GAD2: variants seen among roughly 807,000 people sequenced by gnomAD.
GAD2 encodes the protein glutamate decarboxylase 2, also known as 65 kDa glutamic acid decarboxylase.
GAD2 carries 22 observed loss-of-function variants against 80.1 expected under a neutral mutation model. The observed-to-expected ratio is 0.27, with a 90% CI of 0.20 to 0.39. The LOEUF is 0.39. Among genes scored for constraint, GAD2 ranks in the 10% least tolerant of loss-of-function variants. The pLI, the probability that GAD2 is intolerant of heterozygous loss-of-function variation, is 1.00. For missense variants in GAD2, 624 were observed against 738.4 expected, an observed-to-expected ratio of 0.85 and a Z score of 1.80; for synonymous variants, 274 against 256.9, an observed-to-expected ratio of 1.07 and a Z score of -0.64.
chr10:26,280,888 A>G (rs1042247589), intron 11 of GAD2, 121 bp from the exon 12 acceptor site: 1 of 617,414 alleles, frequency 1.6e-6, no homozygotes, highest in Non-Finnish European at 2.9e-6. Flanking sequence ...TAAAATAAAT[A>G]AATACATTTA....
At position 26,296,087 on chromosome 10, in the gene GAD2, C is replaced by T. The variant is rs144160411; in HGVS notation, c.1584+3096C>T. 5.2e-4 allele frequency among the ~76,000 whole-genome samples: 79 copies of T among 152,218 alleles called. No individual in the cohort carries two copies. The East Asian group carries it at 0.013, about 24-fold the overall frequency. ...CCAAGATCAAGGTGCCAGTAGATTC[C>T]GTGTCTGCTGGAACCCCTACTTCCT... On this transcript the variant is annotated intron_variant, in intron 15 of 15. Coordinates refer to ENST00000376261, the MANE Select transcript of GAD2 (RefSeq NM_001134366.2).
At chr10:26,261,102 C>G (rs1845004681) in intron 8 of GAD2, among the ~76,000 whole-genome samples, 1 of 152,120 alleles carries the variant, frequency 6.6e-6, no homozygotes, top group South Asian at 2.1e-4. Flanking sequence ...TCTCTTTTGT[C>G]ATGTATGTTG....
intron 5 of GAD2, 139 bp downstream of exon 5, chr10:26,224,116 C>G (rs1477273360): frequency 3.3e-6 from 2 of 602,300 alleles, no homozygotes; most frequent in Non-Finnish European, 5.8e-6. Flanking sequence ...TGTGAGTGTT[C>G]ACTTTAATGT....
chr10:26,295,119 T>A (rs1254900566), intron 15 of GAD2, among the ~76,000 whole-genome samples: 1 of 152,166 alleles, frequency 6.6e-6, no homozygotes, highest in African/African-American at 2.4e-5. Context: ...AAAGTCAACT[T>A]GGAGGCTCCC....
At chr10:26,253,369 A>G (rs74922578) in intron 8 of GAD2, among the ~76,000 whole-genome samples, 2,052 of 152,342 alleles carry the variant, frequency 0.013, 43 homozygotes, top group African/African-American at 0.046. Flanking sequence ...CATGTCATTC[A>G]TATTTGCAAA....
At chr10:26,225,065 A>ATATC (rs8190616) in intron 6 of GAD2, among the ~76,000 whole-genome samples, 5,992 of 152,288 alleles carry the variant, frequency 0.039, 374 homozygotes, top group African/African-American at 0.14. Flanking sequence ...ATAGCAAGGT[A>ATATC]TATCTACTCA....
At position 26,217,837 on chromosome 10, in the gene GAD2, C is replaced by A. The variant is rs780245209; in HGVS notation, c.137-5C>A. On this transcript the variant is annotated splice_region_variant and splice_polypyrimidine_tract_variant and intron_variant, in intron 2 of 15. Coordinates refer to ENST00000376261, the MANE Select transcript of GAD2 (RefSeq NM_001134366.2). The surrounding 1 kb of genome is among the most constrained non-coding windows in gnomAD (Gnocchi z 4.9). ...ACGAGGCCCGCGTTCGGTGTCCTTA[C>A]CCAGCCCTGCTCTACGGAGACGCCG... is the stretch of plus-strand genomic sequence containing the variant. The A allele has an allele frequency of 6.2e-7, 1 of 1,601,614 alleles. No homozygotes were observed. Among genetic ancestry groups the A allele is most frequent in the Non-Finnish European group, 8.5e-7 (1 of 1,174,066 alleles).
At chr10:26,234,118 G>A (rs1844640852) in intron 7 of GAD2, among the ~76,000 whole-genome samples, 1 of 152,132 alleles carries the variant, frequency 6.6e-6, no homozygotes, top group Admixed American at 6.5e-5. Context: ...GAGGTCAGGA[G>A]TTTGAGACCA....
chr10:26,217,687 G>A lies in GAD2; in HGVS notation c.136+18G>A, dbSNP rs774384050. ...ACTGTGCGGTGAGTGCCCAGGGACC[G>A]GGGCGGCCAAGGTCGGCCCGCGGGG... On this transcript the variant is annotated intron_variant, in intron 2 of 15. Coordinates refer to ENST00000376261, the MANE Select transcript of GAD2 (RefSeq NM_001134366.2). This position sits in a 1 kb window ranked among gnomAD's most constrained non-coding sequence, Gnocchi z 4.9. The A allele has an allele frequency of 3.1e-6, 5 of 1,612,156 alleles. No homozygotes were observed. The highest frequency in any genetic ancestry group is 2.7e-5 in the African/African-American group (2 of 74,930).
chr10:26,243,921 A>C (rs1844773897), intron 7 of GAD2, among the ~76,000 whole-genome samples: 1 of 152,222 alleles, frequency 6.6e-6, no homozygotes, highest in Non-Finnish European at 1.5e-5. Flanking sequence ...TGTATTGTTA[A>C]GCCTTGTATG....
At chr10:26,276,386 A>G (rs987059770) in intron 11 of GAD2, among the ~76,000 whole-genome samples, 1 of 151,668 alleles carries the variant, frequency 6.6e-6, no homozygotes, top group African/African-American at 2.4e-5. Context: ...TTTTATTTTT[A>G]TTTATTTATT....
At chr10:26,254,077 G>C (rs773639040) in intron 8 of GAD2, among the ~76,000 whole-genome samples, 1 of 151,990 alleles carries the variant, frequency 6.6e-6, no homozygotes, top group African/African-American at 2.4e-5. Flanking sequence ...TCACTCTGTC[G>C]CCAGGCTGGA....
Position 26,217,065 on chromosome 10 carries a change from G to A in GAD2, c.76+180G>A, listed in dbSNP as rs904179213. 6.6e-6 allele frequency among the ~76,000 whole-genome samples: 1 copy of A among 152,022 alleles called. No individual in the cohort carries two copies. Among genetic ancestry groups the A allele is most frequent in the Non-Finnish European group, 1.5e-5 (1 of 68,008 alleles). On this transcript the variant is annotated intron_variant, in intron 1 of 15. Transcript: ENST00000376261. This position sits in a 1 kb window ranked among gnomAD's most constrained non-coding sequence, Gnocchi z 4.9. ...GAGCTCAAGACCTCTACAGCCTCTT[G>A]TACCCTGGGAAGACGCCCAAATAGT...
At chr10:26,269,515 G>A (rs1277402992) in intron 9 of GAD2, among the ~76,000 whole-genome samples, 1 of 152,250 alleles carries the variant, frequency 6.6e-6, no homozygotes, top group African/African-American at 2.4e-5. Flanking sequence ...CAGTATGTGA[G>A]AGACCCTGGT....
intron 6 of GAD2, among the ~76,000 whole-genome samples, chr10:26,226,902 G>C (rs1033611824): frequency 6.6e-6 from 1 of 152,186 alleles, no homozygotes; most frequent in Non-Finnish European, 1.5e-5. Flanking sequence ...GACTAAAGAG[G>C]GGCTAGGAAA....
Position 26,302,318 on chromosome 10 carries a change from A to G in GAD2, c.*1357A>G, listed in dbSNP as rs1435147909. On this transcript the variant is annotated 3_prime_UTR_variant, in exon 16 of 16. Coordinates refer to ENST00000376261, the MANE Select transcript of GAD2 (RefSeq NM_001134366.2). ...CTAGATTTTGAGGCATTATCTTAAGATTTTCCTTTATCCATCTCCCATCGA... is the reference window on the plus strand; with the variant it reads ...CTAGATTTTGAGGCATTATCTTAAGGTTTTCCTTTATCCATCTCCCATCGA... 6.6e-6 allele frequency: 1 copy of G among 152,066 alleles called. No homozygotes were observed. The highest frequency in any genetic ancestry group is 1.9e-4 in the East Asian group (1 of 5,198). 9.4% of individuals were successfully genotyped at this position (152,066 alleles called of 1,614,324 possible).
chr10:26,259,485 T>C (rs953920122), intron 8 of GAD2, among the ~76,000 whole-genome samples: 2 of 152,202 alleles, frequency 1.3e-5, no homozygotes, highest in Non-Finnish European at 2.9e-5. Context: ...TTGAGGATTT[T>C]TTTTTCATGT....
At chr10:26,228,865 C>T (rs1363103692) in intron 6 of GAD2, among the ~76,000 whole-genome samples, 1 of 151,808 alleles carries the variant, frequency 6.6e-6, no homozygotes, top group African/African-American at 2.4e-5. Context: ...ATCACTGCTG[C>T]CAAAAAGGTT....
In GAD2 at chr10:26,224,622, G is replaced by C; in HGVS notation, c.695G>C (p.Gly232Ala). Reference sequence around the variant, plus strand: ...ATGAGAGAAATCATTGGCTGGCCAGGGGGCTCTGGCGATGGGATATTTTCT... The same window carrying C: ...ATGAGAGAAATCATTGGCTGGCCAGCGGGCTCTGGCGATGGGATATTTTCT... Reference protein sequence around the residue: ...KKMREIIGWPGGSGDGIFSPG... With the variant: ...KKMREIIGWPAGSGDGIFSPG... Residue 232 changes from glycine (G) to alanine (A), a missense_variant, in exon 6 of 16, where the codon GGG becomes GCG. Physicochemically the swap from Gly to Ala is moderately conservative, Grantham distance 60. Coordinates refer to ENST00000376261, the MANE Select transcript of GAD2 (RefSeq NM_001134366.2). 6.2e-7 allele frequency: 1 copy of C among 1,613,464 alleles called. No individual in the cohort carries two copies. The highest frequency in any genetic ancestry group is 1.1e-5 in the South Asian group (1 of 91,032).
Sources: gnomAD v4.1 joint callset for allele counts (sites outside exome capture counted in the v4.1 genomes callset) on GRCh38, gnomAD v4.1.1 for gene constraint, Gnocchi (gnomAD v3.1) non-coding constraint, MANE v1.5 for transcripts, NCBI Gene and HGNC (gene_info 2026-07-23, HGNC 2026-07-21) for gene names.